CNTNAP2: variants seen among roughly 807,000 people sequenced by gnomAD.
CNTNAP2 encodes contactin associated protein 2.
A neutral mutation model predicts 155.2 loss-of-function variants in CNTNAP2; 98 were observed. The observed-to-expected ratio is 0.63, with a 90% CI of 0.54 to 0.75. The LOEUF is 0.75. CNTNAP2 is among the 30% of genes least tolerant of loss of function. The probability of loss-of-function intolerance (pLI) is 0.00; values close to 1 mark genes in which losing one functional copy is unlikely to be tolerated. For synonymous variants in CNTNAP2, 651 were observed against 631.2 expected, an observed-to-expected ratio of 1.03 and a Z score of -0.47; for missense variants, 1,727 against 1,688.1, an observed-to-expected ratio of 1.02 and a Z score of -0.40.
intron 13 of CNTNAP2, among the ~76,000 whole-genome samples, chr7:147,896,478 A>G (rs947948737): frequency 2.0e-5 from 3 of 152,112 alleles, no homozygotes; most frequent in Admixed American, 1.3e-4. Context: ...CTCCCCAAGC[A>G]TTTGGGGATC....
chr7:146,716,222 A>C (rs1801184972), intron 1 of CNTNAP2, among the ~76,000 whole-genome samples: 1 of 151,808 alleles, frequency 6.6e-6, no homozygotes, highest in East Asian at 1.9e-4. Flanking sequence ...GGAAAAAAAA[A>C]AAAAAAAAAA....
In CNTNAP2 at chr7:146,328,172, C is replaced by A. The variant is rs116775566; in HGVS notation, c.97+211199C>A. 3.5e-3 allele frequency among the ~76,000 whole-genome samples: 526 copies of A among 152,198 alleles called. 4 individuals carry two copies. The highest frequency in any genetic ancestry group is 0.012 in the African/African-American group (501 of 41,540). ...ATTTAGATTCTCATAGGAGCACGAA[C>A]CCTATGGTGAACTGCACCTGCGAGG... On this transcript the variant is annotated intron_variant, in intron 1 of 23. Coordinates refer to ENST00000361727, the MANE Select transcript of CNTNAP2 (RefSeq NM_014141.6).
chr7:146,990,820 G>T (rs10270807), intron 3 of CNTNAP2, among the ~76,000 whole-genome samples: 39,837 of 151,806 alleles, frequency 0.26, 5,730 homozygotes, highest in South Asian at 0.31. Flanking sequence ...CTCAGTCAAA[G>T]GGAAAATGAC....
chr7:147,644,324 T>C lies in CNTNAP2; in HGVS notation c.2098+5018T>C, dbSNP rs560884375. Among the ~76,000 whole-genome samples the C allele has an allele frequency of 8.5e-5, 13 of 152,234 alleles. No individual in the cohort carries two copies. In the South Asian group the frequency reaches 2.7e-3, roughly 32 times the overall value. On this transcript the variant is annotated intron_variant, in intron 13 of 23. Coordinates refer to ENST00000361727, the MANE Select transcript of CNTNAP2 (RefSeq NM_014141.6). The stretch of plus-strand genomic sequence containing the variant: ...AAATCTACTTCTCAAATAAGTACCA[T>C]AAGAACTTGAATTTGGCCGGGTGGG...
intron 1 of CNTNAP2, among the ~76,000 whole-genome samples, chr7:146,303,785 G>T (rs1347046631): frequency 1.3e-5 from 2 of 152,094 alleles, no homozygotes; most frequent in African/African-American, 4.8e-5. Flanking sequence ...TATTAGGTCT[G>T]CTTGGTGCAG....
At chr7:146,958,770 G>A (rs1797493840) in intron 3 of CNTNAP2, among the ~76,000 whole-genome samples, 1 of 151,820 alleles carries the variant, frequency 6.6e-6, no homozygotes, top group South Asian at 2.1e-4. Flanking sequence ...GTCATATATA[G>A]CCTCAATATA....
At chr7:147,271,625 A>G (rs1179380005) in intron 8 of CNTNAP2, among the ~76,000 whole-genome samples, 3 of 152,204 alleles carry the variant, frequency 2.0e-5, no homozygotes. Context: ...GAAGGCGAAA[A>G]GCATGTCTGA....
intron 1 of CNTNAP2, among the ~76,000 whole-genome samples, chr7:146,248,298 C>A (rs13030050): frequency 6.6e-6 from 1 of 151,854 alleles, no homozygotes; most frequent in Non-Finnish European, 1.5e-5. Flanking sequence ...CCCAGAAAGG[C>A]GGAGAAGACA....
chr7:148,077,079 G>A (rs1458562377), intron 15 of CNTNAP2, among the ~76,000 whole-genome samples: 18 of 152,046 alleles, frequency 1.2e-4, no homozygotes, highest in African/African-American at 3.9e-4. Flanking sequence ...AGGCCAAGGC[G>A]GGTGGCTCAC....
intron 1 of CNTNAP2, among the ~76,000 whole-genome samples, chr7:146,294,907 A>G (rs912845857): frequency 6.6e-6 from 1 of 152,224 alleles, no homozygotes; most frequent in Non-Finnish European, 1.5e-5. Flanking sequence ...AAGAATTTAT[A>G]ACTGAAACTT....
At chr7:148,070,223 A>T (rs1368810760) in intron 15 of CNTNAP2, among the ~76,000 whole-genome samples, 1 of 152,260 alleles carries the variant, frequency 6.6e-6, no homozygotes, top group Non-Finnish European at 1.5e-5. Context: ...AACAAATACA[A>T]GGAAAAATAA....
intron 1 of CNTNAP2, among the ~76,000 whole-genome samples, chr7:146,555,816 G>A (rs1798190490): frequency 6.6e-6 from 1 of 152,084 alleles, no homozygotes; most frequent in Non-Finnish European, 1.5e-5. Flanking sequence ...ATTAATATTG[G>A]GTGACCTGGA....
intron 13 of CNTNAP2, among the ~76,000 whole-genome samples, chr7:147,878,774 C>A (rs1799469021): frequency 6.6e-6 from 1 of 152,152 alleles, no homozygotes; most frequent in Non-Finnish European, 1.5e-5. Context: ...AGATAGTTTT[C>A]TTTTAAGTCT....
chr7:146,120,664 A>G (rs1488286631), intron 1 of CNTNAP2, among the ~76,000 whole-genome samples: 1 of 152,182 alleles, frequency 6.6e-6, no homozygotes, highest in Non-Finnish European at 1.5e-5. Context: ...TAAAATTATA[A>G]TGGAGCTGTC....
At chr7:146,133,112 G>C (rs1383655073) in intron 1 of CNTNAP2, among the ~76,000 whole-genome samples, 6 of 150,214 alleles carry the variant, frequency 4.0e-5, no homozygotes, top group South Asian at 2.1e-4. Context: ...ATTCTAACTG[G>C]TGTGAGATGG....
intron 1 of CNTNAP2, among the ~76,000 whole-genome samples, chr7:146,441,847 G>A (rs914923136): frequency 1.3e-5 from 2 of 151,562 alleles, no homozygotes; most frequent in African/African-American, 2.4e-5. Flanking sequence ...TTCCCAAGAA[G>A]TCTCATGGAA....
intron 9 of CNTNAP2, among the ~76,000 whole-genome samples, chr7:147,324,061 A>G (rs1044768264): frequency 2.6e-5 from 4 of 152,046 alleles, no homozygotes; most frequent in Non-Finnish European, 5.9e-5. Flanking sequence ...AAATAAGATC[A>G]TGAAGGTATA....
At chr7:146,892,024 A>G (rs927523538) in intron 3 of CNTNAP2, among the ~76,000 whole-genome samples, 3 of 152,168 alleles carry the variant, frequency 2.0e-5, no homozygotes, top group Non-Finnish European at 2.9e-5. Flanking sequence ...AAAACTTAGT[A>G]GCTTTAAACA....
chr7:146,322,875 G>A (rs1241388887), intron 1 of CNTNAP2, among the ~76,000 whole-genome samples: 1 of 151,712 alleles, frequency 6.6e-6, no homozygotes, highest in Non-Finnish European at 1.5e-5. Context: ...CAGAGGGTGT[G>A]AATTTGCTTT....
Sources: gnomAD v4.1 joint callset for allele counts (sites outside exome capture counted in the v4.1 genomes callset) on GRCh38, gnomAD v4.1.1 for gene constraint, MANE v1.5 for transcripts, NCBI Gene and HGNC (gene_info 2026-07-23, HGNC 2026-07-21) for gene names.